The following CTNNA3 variants were observed in gnomAD, a reference collection of about 807,000 sequenced individuals.
CTNNA3 encodes the protein catenin alpha-3.
In CTNNA3, 76 loss-of-function variants were observed where a neutral mutation model predicts 95.7. That is an observed-to-expected ratio of 0.79 (90% CI 0.66 to 0.96). The LOEUF is 0.96. Among genes scored for constraint, CTNNA3 ranks in the 40% least tolerant of loss-of-function variants. The probability of loss-of-function intolerance (pLI) is 0.00; values close to 1 mark genes in which losing one functional copy is unlikely to be tolerated. For synonymous variants in CTNNA3, 431 were observed against 374.4 expected, an observed-to-expected ratio of 1.15 and a Z score of -1.74; for missense variants, 1,191 against 1,089.8, an observed-to-expected ratio of 1.09 and a Z score of -1.31.
At chr10:66,434,890 C>G (rs1171524235) in intron 11 of CTNNA3, among the ~76,000 whole-genome samples, 3 of 151,168 alleles carry the variant, frequency 2.0e-5, no homozygotes, top group Admixed American at 6.6e-5. Context: ...TTTTTTGCAT[C>G]TATTGAGATA....
At position 66,763,833 on chromosome 10, in the gene CTNNA3, A is replaced by G. The variant is rs375857615; in HGVS notation, c.1281+2431T>C. Among the ~76,000 whole-genome samples, 19 of 152,204 alleles carry G rather than the reference A, an allele frequency of 1.2e-4. No individual in the cohort carries two copies. In the East Asian group the frequency reaches 2.9e-3, roughly 23 times the overall value. On this transcript the variant is annotated intron_variant, in intron 9 of 17. Transcript: ENST00000433211. ...GTCGACAACCACAGCTAAGCCCCCA[A>G]CTGACAGTTAACGCACTTCCAGTCA...
intron 1 of CTNNA3, among the ~76,000 whole-genome samples, chr10:67,702,453 C>A (rs1056735916): frequency 6.6e-6 from 1 of 152,136 alleles, no homozygotes; most frequent in Admixed American, 6.6e-5. Flanking sequence ...AATCAAACTA[C>A]AACTCAAGAT....
intron 1 of CTNNA3, among the ~76,000 whole-genome samples, chr10:67,650,261 T>C (rs1161479067): frequency 6.6e-6 from 1 of 152,198 alleles, no homozygotes; most frequent in Non-Finnish European, 1.5e-5. Context: ...ATAGAAATGA[T>C]GAGAAGCTTA....
intron 14 of CTNNA3, 140 bp downstream of exon 14, chr10:66,103,017 A>G: frequency 4.4e-6 from 3 of 676,002 alleles, no homozygotes; most frequent in Non-Finnish European, 7.9e-6. Flanking sequence ...CCTTAATGCT[A>G]AGGCTTTTCT....
At chr10:66,153,848 TACACACACACAC>T (rs148457020) in intron 13 of CTNNA3, among the ~76,000 whole-genome samples, 5 of 148,948 alleles carry the variant, frequency 3.4e-5, no homozygotes, top group East Asian at 2.0e-4. Context: ...ATAATTTGTT[TACACACACACAC>T]ACACACACAC....
intron 7 of CTNNA3, among the ~76,000 whole-genome samples, chr10:66,801,430 C>A (rs943303570): frequency 6.6e-6 from 1 of 151,314 alleles, no homozygotes; most frequent in Non-Finnish European, 1.5e-5. Flanking sequence ...TCATAGGCTG[C>A]AAGGTCAACA....
At chr10:66,684,606 AAAAC>A (rs1393122541) in intron 9 of CTNNA3, among the ~76,000 whole-genome samples, 1 of 152,152 alleles carries the variant, frequency 6.6e-6, no homozygotes, top group Admixed American at 6.5e-5. Context: ...GAAGGCCAAA[AAAAC>A]AAGCTGTCTC....
intron 12 of CTNNA3, among the ~76,000 whole-genome samples, chr10:66,346,921 C>T (rs1013875750): frequency 2.0e-5 from 3 of 151,462 alleles, no homozygotes; most frequent in African/African-American, 4.9e-5. Flanking sequence ...TACTTGGGAC[C>T]CTGGAATGGG....
At chr10:67,079,972 T>C (rs1442907706) in intron 7 of CTNNA3, among the ~76,000 whole-genome samples, 1 of 151,234 alleles carries the variant, frequency 6.6e-6, no homozygotes, top group African/African-American at 2.4e-5. Context: ...AATAAAAAAT[T>C]GCTGTAGTTA....
chr10:67,668,990 C>A (rs1840382902), intron 1 of CTNNA3, among the ~76,000 whole-genome samples: 1 of 151,964 alleles, frequency 6.6e-6, no homozygotes, highest in African/African-American at 2.4e-5. Flanking sequence ...AGGCACTCGC[C>A]ACCATGCCCG....
At position 66,333,142 on chromosome 10, in the gene CTNNA3, C is replaced by T. The variant is rs531316083; in HGVS notation, c.1732+46010G>A. ...TTTTCTTCTTTATTAGTCTTGCTAG[C>T]GGCCTATCAATTTTGTTGATCTTTT... On this transcript the variant is annotated intron_variant, in intron 12 of 17. Coordinates refer to ENST00000433211, the MANE Select transcript of CTNNA3 (RefSeq NM_013266.4). Among the ~76,000 whole-genome samples the T allele has an allele frequency of 2.6e-4, 40 of 151,590 alleles. 1 individual carries two copies. The highest frequency in any genetic ancestry group is 9.0e-4 in the African/African-American group (37 of 41,312).
Position 66,819,556 on chromosome 10 carries a change from A to C in CTNNA3, c.1048-44032T>G, listed in dbSNP as rs936529251. Among the ~76,000 whole-genome samples, 33 of 152,196 alleles carry C rather than the reference A, an allele frequency of 2.2e-4. 1 individual carries two copies. The highest frequency in any genetic ancestry group is 1.5e-3 in the Admixed American group (23 of 15,280). ...AGAACCCAATCAAGAAATTGAAAAA[A>C]ACACACAAAATGGAAGAAAAAATAT... On this transcript the variant is annotated intron_variant, in intron 7 of 17. Transcript: ENST00000433211.
chr10:67,297,503 T>A (rs866199341), intron 5 of CTNNA3, among the ~76,000 whole-genome samples: 11 of 152,228 alleles, frequency 7.2e-5, no homozygotes, highest in African/African-American at 2.7e-4. Context: ...CTATCCCCTA[T>A]AGCTGGTTTC....
In CTNNA3 at chr10:67,621,368, T is replaced by C. The variant is rs559432916; in HGVS notation, c.100-14319A>G. On this transcript the variant is annotated intron_variant, in intron 2 of 17. Coordinates refer to ENST00000433211, the MANE Select transcript of CTNNA3 (RefSeq NM_013266.4). Reference sequence around the variant, plus strand: ...CCACAAACCACTCCATCATACTTTATCTCACTGGGGGCTCTCAATTGTGTG... The same window carrying C: ...CCACAAACCACTCCATCATACTTTACCTCACTGGGGGCTCTCAATTGTGTG... Among the ~76,000 whole-genome samples, 75 of 152,128 alleles carry C rather than the reference T, an allele frequency of 4.9e-4. 1 individual carries two copies. Among genetic ancestry groups the C allele is most frequent in the Non-Finnish European group, 1.0e-3 (68 of 68,024 alleles).
chr10:66,690,022 C>T (rs9665600), intron 9 of CTNNA3, among the ~76,000 whole-genome samples: 35,900 of 151,934 alleles, frequency 0.24, 5,598 homozygotes, highest in East Asian at 0.56. Flanking sequence ...CTGCAGAGAA[C>T]AAAAGGACAA....
chr10:66,219,134 G>A (rs2131973804), intron 13 of CTNNA3, among the ~76,000 whole-genome samples: 1 of 152,118 alleles, frequency 6.6e-6, no homozygotes, highest in South Asian at 2.1e-4. Context: ...CTGCACCCAA[G>A]AAAACTTATC....
intron 10 of CTNNA3, among the ~76,000 whole-genome samples, chr10:66,529,264 G>T (rs1285913037): frequency 6.6e-6 from 1 of 151,998 alleles, no homozygotes; most frequent in Non-Finnish European, 1.5e-5. Flanking sequence ...GAGTAGCTGA[G>T]ATTACAGATG....
intron 13 of CTNNA3, among the ~76,000 whole-genome samples, chr10:66,114,160 T>C (rs2082226312): frequency 6.6e-6 from 1 of 152,212 alleles, no homozygotes; most frequent in Non-Finnish European, 1.5e-5. Flanking sequence ...TTCATCAAAC[T>C]CTATAGCCAA....
At chr10:67,173,167 G>C (rs1269838490) in intron 7 of CTNNA3, among the ~76,000 whole-genome samples, 1 of 152,170 alleles carries the variant, frequency 6.6e-6, no homozygotes, top group Admixed American at 6.5e-5. Context: ...GCTATTAACT[G>C]TTGTAGTGAA....
Sources: gnomAD v4.1 joint callset for allele counts (sites outside exome capture counted in the v4.1 genomes callset) on GRCh38, gnomAD v4.1.1 for gene constraint, MANE v1.5 for transcripts, NCBI Gene and HGNC (gene_info 2026-07-23, HGNC 2026-07-21) for gene names.